HS6ST2: variants seen among roughly 807,000 people sequenced by gnomAD.
The protein encoded by HS6ST2 is heparan sulfate 6-O-sulfotransferase 2.
A neutral mutation model predicts 33.0 loss-of-function variants in HS6ST2; 17 were observed. That is an observed-to-expected ratio of 0.52 (90% CI 0.35 to 0.77). HS6ST2 has a LOEUF of 0.77. HS6ST2 is among the 30% of genes least tolerant of loss of function. The pLI is 0.01. For missense variants in HS6ST2, 519 were observed against 551.7 expected (o/e 0.94, Z 0.59); for synonymous variants, 248 against 237.1 (o/e 1.05, Z -0.42).
At chrX:132,666,972 G>T (rs1167197311) in intron 4 of HS6ST2, among the ~76,000 whole-genome samples, 1 of 111,055 alleles carries the variant, frequency 9.0e-6, no homozygotes, top group Non-Finnish European at 1.9e-5. Context: ...CTAAGGAAAT[G>T]CATAGACAGT....
chrX:132,890,904 A>T (rs1358284544), intron 2 of HS6ST2, among the ~76,000 whole-genome samples: 3 of 111,760 alleles, frequency 2.7e-5, no homozygotes, highest in Non-Finnish European at 5.6e-5. Context: ...TTACCTAATT[A>T]TAGCATTCAA....
At chrX:132,810,245 T>C (rs2065328260) in intron 2 of HS6ST2, among the ~76,000 whole-genome samples, 1 of 107,335 alleles carries the variant, frequency 9.3e-6, no homozygotes, top group African/African-American at 3.4e-5. Context: ...ATCTCTGTAA[T>C]TTTTTTTTTA....
At chrX:132,848,616 C>T (rs1260473389) in intron 2 of HS6ST2, among the ~76,000 whole-genome samples, 1 of 111,382 alleles carries the variant, frequency 9.0e-6, no homozygotes, top group African/African-American at 3.3e-5. Context: ...CTCTTAACTC[C>T]CGAAAACACA....
chrX:132,758,943 G>T (rs1416892089), intron 2 of HS6ST2, among the ~76,000 whole-genome samples: 1 of 111,632 alleles, frequency 9.0e-6, no homozygotes, highest in African/African-American at 3.3e-5. Flanking sequence ...GAAGTGGCCA[G>T]CTCCACTGTA....
chrX:132,777,017 A>G (rs1019893415), intron 2 of HS6ST2, among the ~76,000 whole-genome samples: 1 of 106,606 alleles, frequency 9.4e-6, no homozygotes, highest in African/African-American at 3.4e-5. Context: ...GCGATTTTGC[A>G]TCACAGAGGA....
intron 4 of HS6ST2, among the ~76,000 whole-genome samples, chrX:132,641,289 A>G (rs1309287255): frequency 8.9e-6 from 1 of 111,878 alleles, no homozygotes; most frequent in East Asian, 2.8e-4. Flanking sequence ...GATTACAGGC[A>G]TGCACCACAA....
intron 4 of HS6ST2, among the ~76,000 whole-genome samples, chrX:132,633,864 C>G (rs1047776333): frequency 2.7e-5 from 3 of 111,733 alleles, no homozygotes; most frequent in African/African-American, 6.5e-5. Context: ...TGGAACATGG[C>G]CTGCTAAGCA....
At chrX:132,717,900 GGAA>G (rs1434906078) in intron 2 of HS6ST2, among the ~76,000 whole-genome samples, 2 of 111,554 alleles carry the variant, frequency 1.8e-5, no homozygotes, top group Non-Finnish European at 3.8e-5. Context: ...TCCTTTTATT[GGAA>G]GAGTCTCAGT....
chrX:132,794,577 T>TGATGATGATGATGATG (rs1160771963), intron 2 of HS6ST2, among the ~76,000 whole-genome samples: 2 of 77,033 alleles, frequency 2.6e-5, no homozygotes, highest in African/African-American at 1.0e-4. Context: ...TGATGATGAT[T>TGATGATGATGATGATG]ATTATTATTA....
chrX:132,893,305 C>T (rs1279463477), intron 2 of HS6ST2, among the ~76,000 whole-genome samples: 2 of 112,273 alleles, frequency 1.8e-5, no homozygotes. Context: ...TTATAGTATT[C>T]ACGTGATAAA....
At chrX:132,766,288 A>G (rs2064847934) in intron 2 of HS6ST2, among the ~76,000 whole-genome samples, 1 of 112,550 alleles carries the variant, frequency 8.9e-6, no homozygotes, top group South Asian at 3.7e-4. Flanking sequence ...ACTAACTAAA[A>G]TAACAAATTC....
At chrX:132,635,597 C>T (rs2063547317) in intron 4 of HS6ST2, among the ~76,000 whole-genome samples, 1 of 111,220 alleles carries the variant, frequency 9.0e-6, no homozygotes, top group Non-Finnish European at 1.9e-5. Flanking sequence ...CTTCCATCTC[C>T]ACTCCCCAAA....
intron 2 of HS6ST2, among the ~76,000 whole-genome samples, chrX:132,709,812 A>ACACACACACACACAC: frequency 1.1e-5 from 1 of 92,214 alleles, no homozygotes; most frequent in Admixed American, 1.3e-4. Flanking sequence ...GAAAAGACAA[A>ACACACACACACACAC]ACACACACAC....
chrX:132,898,403 A>ATG (rs2066397449), intron 2 of HS6ST2, among the ~76,000 whole-genome samples: 1 of 104,689 alleles, frequency 9.6e-6, no homozygotes, highest in African/African-American at 3.4e-5. Flanking sequence ...ATATATATAT[A>ATG]TATAAGCTTC....
At chrX:132,630,403 G>T in intron 4 of HS6ST2, among the ~76,000 whole-genome samples, 1 of 111,268 alleles carries the variant, frequency 9.0e-6, no homozygotes. Flanking sequence ...TTGAGGAAAC[G>T]TTTCTCCCAA....
chrX:132,827,844 G>T (rs1354068212), intron 2 of HS6ST2, among the ~76,000 whole-genome samples: 1 of 110,852 alleles, frequency 9.0e-6, no homozygotes, highest in East Asian at 2.8e-4. Flanking sequence ...TTTGCTGTTA[G>T]AGAGGATTTC....
intron 2 of HS6ST2, among the ~76,000 whole-genome samples, chrX:132,853,216 C>T (rs1182121119): frequency 8.9e-6 from 1 of 111,810 alleles, no homozygotes; most frequent in East Asian, 2.8e-4. Flanking sequence ...TGCAGTGATG[C>T]AATCATAGCT....
At chrX:132,843,718 G>A (rs1199346343) in intron 2 of HS6ST2, among the ~76,000 whole-genome samples, 1 of 111,412 alleles carries the variant, frequency 9.0e-6, no homozygotes, top group African/African-American at 3.3e-5. Flanking sequence ...GAACACTCCC[G>A]AAATGCGATC....
intron 2 of HS6ST2, among the ~76,000 whole-genome samples, chrX:132,787,379 A>G (rs1253686806): frequency 2.1e-5 from 2 of 97,015 alleles, no homozygotes; most frequent in African/African-American, 7.6e-5. Context: ...TGCAACCTCC[A>G]TCTCCCAGAT....
Sources: gnomAD v4.1 joint callset for allele counts (sites outside exome capture counted in the v4.1 genomes callset) on GRCh38, gnomAD v4.1.1 for gene constraint, MANE v1.5 for transcripts, NCBI Gene and HGNC (gene_info 2026-07-23, HGNC 2026-07-21) for gene names.